The following ADORA2B variants were observed in gnomAD, a reference collection of about 807,000 sequenced individuals.
The protein encoded by ADORA2B is adenosine receptor A2b.
A neutral mutation model predicts 20.8 loss-of-function variants in ADORA2B; 18 were observed. The ratio of observed to expected loss-of-function variants is 0.87; its 90% CI spans 0.60 to 1.29. ADORA2B has a LOEUF of 1.29. ADORA2B is among the 50% of genes most tolerant of loss of function. ADORA2B has a pLI of 0.00. For missense variants in ADORA2B, 441 were observed against 422.7 expected, an observed-to-expected ratio of 1.04 and a Z score of -0.38; for synonymous variants, 179 against 178.3, an observed-to-expected ratio of 1.00 and a Z score of -0.03.
At chr17:15,882,461 C>T in the ADORA2B span, among the ~76,000 whole-genome samples, 2 of 152,294 alleles carry the variant, frequency 1.3e-5, no homozygotes, top group South Asian at 4.1e-4. Flanking sequence ...TGTCTGTAAT[C>T]CCAACGCTTT....
chr17:15,932,405 A>C, the ADORA2B span, among the ~76,000 whole-genome samples: 2 of 151,746 alleles, frequency 1.3e-5, no homozygotes, highest in African/African-American at 2.4e-5. Context: ...AGGCAGGAGA[A>C]TCCCTTGAAC....
the ADORA2B span, among the ~76,000 whole-genome samples, chr17:15,899,379 A>G: frequency 1.3e-5 from 2 of 152,226 alleles, no homozygotes; most frequent in Non-Finnish European, 1.5e-5. Context: ...GTATATATTC[A>G]AGTAAATAGC....
chr17:15,888,576 A>C, the ADORA2B span, among the ~76,000 whole-genome samples: 12 of 126,080 alleles, frequency 9.5e-5, 4 homozygotes, highest in African/African-American at 1.7e-4. Context: ...ATTTCCCAGA[A>C]TCTGTAACAT....
chr17:15,910,488 G>A, the ADORA2B span, among the ~76,000 whole-genome samples: 1 of 151,946 alleles, frequency 6.6e-6, no homozygotes, highest in South Asian at 2.1e-4. Flanking sequence ...TAGTAGAAAC[G>A]GGGTTTCACC....
the ADORA2B span, among the ~76,000 whole-genome samples, chr17:15,900,240 G>C: frequency 4.6e-3 from 704 of 152,172 alleles, 8 homozygotes; most frequent in African/African-American, 0.016. Context: ...TGTCTTTTTG[G>C]TAGAATGATT....
intron 1 of ADORA2B, among the ~76,000 whole-genome samples, chr17:15,962,661 A>G (rs1970055351): frequency 6.6e-6 from 1 of 152,086 alleles, no homozygotes; most frequent in Non-Finnish European, 1.5e-5. Context: ...CCTCCTGAGT[A>G]GCTGGGATTA....
chr17:15,899,599 C>T, the ADORA2B span, among the ~76,000 whole-genome samples: 1 of 152,150 alleles, frequency 6.6e-6, no homozygotes, highest in South Asian at 2.1e-4. Flanking sequence ...TCTCTTCTTC[C>T]ATTCCCTCTC....
chr17:15,901,759 G>A, the ADORA2B span, among the ~76,000 whole-genome samples: 1 of 152,036 alleles, frequency 6.6e-6, no homozygotes, highest in East Asian at 1.9e-4. Flanking sequence ...TGGTATAATC[G>A]AGCACATGCC....
chr17:15,945,567 A>C lies in ADORA2B; in HGVS notation c.319A>C (p.Ile107Leu). 1 of 1,552,484 alleles carries C rather than the reference A, an allele frequency of 6.4e-7. No homozygotes were observed. Among genetic ancestry groups the C allele is most frequent in the East Asian group, 2.3e-5 (1 of 42,984 alleles). Residue 107 changes from isoleucine to leucine, a missense_variant, in exon 1 of 2, where the codon ATC becomes CTC. Physicochemically the swap from Ile to Leu is conservative, Grantham distance 5. Transcript: ENST00000304222. ...CGTGGCAGTCGACAGATACCTGGCC[A>C]TCTGTGTCCCGCTCAGGTGAGGCGC... ...LAVAVDRYLA[I>L]CVPLRYKSLV...
the ADORA2B span, among the ~76,000 whole-genome samples, chr17:15,911,737 G>A: frequency 3.9e-5 from 6 of 152,172 alleles, no homozygotes; most frequent in Admixed American, 1.3e-4. Flanking sequence ...AGACATGCAC[G>A]TAGAAGAGAA....
At chr17:15,850,857 T>C in the ADORA2B span, among the ~76,000 whole-genome samples, 1 of 152,230 alleles carries the variant, frequency 6.6e-6, no homozygotes, top group Admixed American at 6.5e-5. Context: ...ATCATTGGAA[T>C]GTGAGCTCCG....
At chr17:15,948,945 C>T (rs1969855049) in intron 1 of ADORA2B, among the ~76,000 whole-genome samples, 1 of 152,158 alleles carries the variant, frequency 6.6e-6, no homozygotes, top group African/African-American at 2.4e-5. Context: ...CGGTGGCTCA[C>T]GCCTGTAATC....
intron 1 of ADORA2B, 80 bp from the exon 2 acceptor site, chr17:15,974,599 A>G (rs1460551771): frequency 4.6e-6 from 6 of 1,314,370 alleles, no homozygotes; most frequent in Non-Finnish European, 5.3e-6. Flanking sequence ...AGGGTCATGG[A>G]AAAAAGAGGA....
At chr17:15,877,031 G>T in the ADORA2B span, among the ~76,000 whole-genome samples, 1,251 of 152,018 alleles carry the variant, frequency 8.2e-3, 25 homozygotes, top group African/African-American at 0.029. Flanking sequence ...GGCTTATTTC[G>T]CTTAGCATAA....
intron 1 of ADORA2B, among the ~76,000 whole-genome samples, chr17:15,970,629 G>A (rs1453998066): frequency 6.6e-6 from 1 of 152,154 alleles, no homozygotes; most frequent in Non-Finnish European, 1.5e-5. Context: ...AAGAGAGATT[G>A]GACTAGAAAG....
At position 15,970,628 on chromosome 17, in the gene ADORA2B, T is replaced by C. The variant is rs551701650; in HGVS notation, c.336-4051T>C. On this transcript the variant is annotated intron_variant, in intron 1 of 1. Coordinates refer to ENST00000304222, the MANE Select transcript of ADORA2B (RefSeq NM_000676.4). ...TTCTTATTTGTGAAATAAGAGAGAT[T>C]GGACTAGAAAGATAAAAGTCCTCTC... Among the ~76,000 whole-genome samples the C allele has an allele frequency of 7.9e-5, 12 of 152,352 alleles. No homozygotes were observed. In the East Asian group the frequency reaches 2.3e-3, roughly 29 times the overall value.
the ADORA2B span, among the ~76,000 whole-genome samples, chr17:15,886,218 C>T: frequency 2.6e-5 from 4 of 152,246 alleles, no homozygotes; most frequent in Non-Finnish European, 2.9e-5. Flanking sequence ...TCCCAGGCTC[C>T]CAGAACTCCA....
chr17:15,911,031 G>C, the ADORA2B span, among the ~76,000 whole-genome samples: 1 of 152,210 alleles, frequency 6.6e-6, no homozygotes, highest in South Asian at 2.1e-4. Flanking sequence ...TGTTTTGAAA[G>C]TTCTCTAGAC....
chr17:15,893,844 G>T, the ADORA2B span, among the ~76,000 whole-genome samples: 1 of 152,180 alleles, frequency 6.6e-6, no homozygotes, highest in East Asian at 1.9e-4. Flanking sequence ...CATAACAAGT[G>T]TTGGCAGATT....
Sources: allele counts gnomAD v4.1 joint callset (sites outside exome capture counted in the v4.1 genomes callset), GRCh38; gene constraint gnomAD v4.1.1; transcripts MANE v1.5; gene names NCBI Gene and HGNC (gene_info 2026-07-23, HGNC 2026-07-21).